Variants in RIMS1 observed in about 807,000 individuals in gnomAD.
RIMS1 encodes the protein regulating synaptic membrane exocytosis 1.
In RIMS1, 83 loss-of-function variants were observed where a neutral mutation model predicts 214.1. The ratio of observed to expected loss-of-function variants is 0.39; its 90% CI spans 0.32 to 0.47. The LOEUF (loss-of-function observed/expected upper bound fraction) is 0.47. Ranked by LOEUF, RIMS1 falls within the 20% of genes least tolerant of loss-of-function variation. The pLI is 0.99. For missense variants in RIMS1, 2,050 were observed against 2,161.8 expected, an observed-to-expected ratio of 0.95 and a Z score of 1.03; for synonymous variants, 793 against 786.8, an observed-to-expected ratio of 1.01 and a Z score of -0.13.
rs2062891834 is a variant in RIMS1, at chr6:72,233,678, A to G, written c.1679-95A>G. The stretch of plus-strand genomic sequence containing the variant: ...CGATGTACACGCTCAAGCTTATGAT[A>G]TTAAAACTCTTTATAGATCGAAGAA... On this transcript the variant is annotated intron_variant, in intron 6 of 33. Transcript: ENST00000521978. 7 of 922,910 alleles carry G rather than the reference A, an allele frequency of 7.6e-6. No individual in the cohort carries two copies. The Admixed American group carries it at 1.0e-4, about 13-fold the overall frequency. The allele number at this position is 922,910 out of a possible 1,614,324, so 57.2% of individuals were successfully genotyped here. A position where few individuals can be genotyped will look rare whatever the true frequency, so the allele number is the denominator to read the frequency against.
chr6:72,130,524 T>C (rs1008259337), intron 4 of RIMS1, among the ~76,000 whole-genome samples: 10 of 152,158 alleles, frequency 6.6e-5, no homozygotes, highest in African/African-American at 2.4e-4. Context: ...ATAATCTCCT[T>C]AGAGACATGT....
At chr6:72,148,763 G>C in intron 4 of RIMS1, 1 of 412,488 alleles carries the variant, frequency 2.4e-6, no homozygotes, top group Non-Finnish European at 4.8e-6. Context: ...GATTGAGTTT[G>C]GGACAAAAAG....
At chr6:72,352,900 C>G (rs1371639908) in intron 29 of RIMS1, among the ~76,000 whole-genome samples, 1 of 151,652 alleles carries the variant, frequency 6.6e-6, no homozygotes, top group Non-Finnish European at 1.5e-5. Flanking sequence ...AGGGGAGAAA[C>G]CACTAACTGA....
intron 2 of RIMS1, among the ~76,000 whole-genome samples, chr6:72,003,599 C>T (rs1806128824): frequency 6.6e-6 from 1 of 151,622 alleles, no homozygotes. Context: ...ATTTTGCTTG[C>T]AGGTGTGTGT....
rs502046 is a variant in RIMS1 at position 71,998,178 on chromosome 6, T to G, written c.245+29115T>G. ...GCACTTTATTATTTAGGAACATTTA[T>G]CTACTTTATGTGGATTTTCAATATT... On this transcript the variant is annotated intron_variant, in intron 2 of 33. Coordinates refer to ENST00000521978, the MANE Select transcript of RIMS1 (RefSeq NM_014989.7). Among the ~76,000 whole-genome samples, 715 of 152,052 alleles carry G rather than the reference T, an allele frequency of 4.7e-3. 3 individuals carry two copies. The highest frequency in any genetic ancestry group is 7.3e-3 in the Non-Finnish European group (496 of 67,974).
At chr6:71,899,477 CACACACACACACAA>C (rs1772898909) in intron 1 of RIMS1, among the ~76,000 whole-genome samples, 1 of 150,770 alleles carries the variant, frequency 6.6e-6, no homozygotes, top group Non-Finnish European at 1.5e-5. Flanking sequence ...TATTTGTATA[CACACACACACACAA>C]ACACACACAC....
Position 72,250,368 on chromosome 6 carries a change from T to G in RIMS1, c.2280T>G (p.Ile760Met). ...LWYDKVGHQL[I>M]VNVLQATDLP... ...ATGATAAAGTGGGACACCAGCTGAT[T>G]GTAAATGTTCTGCAAGCAACAGATC... The change falls in exon 13 of 34, where the codon ATT (isoleucine) becomes ATG (methionine). Residue 760 changes from isoleucine (I) to methionine (M), a missense_variant. Physicochemically the swap from Ile to Met is conservative, Grantham distance 10. Coordinates refer to ENST00000521978, the MANE Select transcript of RIMS1 (RefSeq NM_014989.7). 1 of 1,610,462 alleles carries G rather than the reference T, an allele frequency of 6.2e-7. No homozygotes were observed. The highest frequency in any genetic ancestry group is 8.5e-7 in the Non-Finnish European group (1 of 1,178,060).
At chr6:71,892,592 G>T (rs1770259654) in intron 1 of RIMS1, among the ~76,000 whole-genome samples, 1 of 151,976 alleles carries the variant, frequency 6.6e-6, no homozygotes, top group Non-Finnish European at 1.5e-5. Context: ...TTGCTGTTTT[G>T]CCCACAGGGT....
chr6:72,265,126 T>G (rs1202474488), intron 20 of RIMS1, 74 bp downstream of exon 20: 1 of 808,066 alleles, frequency 1.2e-6, no homozygotes, highest in African/African-American at 1.8e-5. Context: ...AAATAGAAAA[T>G]TCACATTCTA....
chr6:72,140,300 C>A (rs1289406465), intron 4 of RIMS1, among the ~76,000 whole-genome samples: 1 of 151,982 alleles, frequency 6.6e-6, no homozygotes, highest in African/African-American at 2.4e-5. Context: ...CTGTATAATC[C>A]TATCTGCCAA....
chr6:71,990,792 G>A (rs112537181), intron 2 of RIMS1, among the ~76,000 whole-genome samples: 571 of 152,060 alleles, frequency 3.8e-3, no homozygotes, highest in Non-Finnish European at 5.2e-3. Context: ...TGTGGCCTGG[G>A]GTGAGGCTGG....
chr6:71,927,466 C>T (rs1436174179), intron 1 of RIMS1, among the ~76,000 whole-genome samples: 1 of 152,058 alleles, frequency 6.6e-6, no homozygotes, highest in Non-Finnish European at 1.5e-5. Context: ...AATTAAAAGG[C>T]TAGTCTTGGG....
At chr6:72,287,648 T>C (rs1409774509) in intron 24 of RIMS1, among the ~76,000 whole-genome samples, 4 of 150,616 alleles carry the variant, frequency 2.7e-5, no homozygotes, top group Non-Finnish European at 5.9e-5. Context: ...CAGGCTGGAG[T>C]GTGGTCACAC....
At chr6:72,273,819 T>A (rs978257758) in intron 22 of RIMS1, among the ~76,000 whole-genome samples, 2 of 152,196 alleles carry the variant, frequency 1.3e-5, no homozygotes, top group East Asian at 3.8e-4. Context: ...TTTCTTCATG[T>A]CACGGTTTCA....
intron 20 of RIMS1, 28 bp downstream of exon 20, chr6:72,265,080 C>T: frequency 7.4e-7 from 1 of 1,348,186 alleles, no homozygotes; most frequent in Non-Finnish European, 1.0e-6. Flanking sequence ...GAGTCCCACC[C>T]AGTTATAAAG....
At chr6:72,040,463 C>A (rs900239668) in intron 2 of RIMS1, among the ~76,000 whole-genome samples, 1 of 151,936 alleles carries the variant, frequency 6.6e-6, no homozygotes, top group Non-Finnish European at 1.5e-5. Flanking sequence ...AGATGAGAAA[C>A]ACTATGCCCT....
chr6:72,282,472 T>A (rs1238778915), intron 23 of RIMS1, among the ~76,000 whole-genome samples: 1 of 152,080 alleles, frequency 6.6e-6, no homozygotes, highest in Non-Finnish European at 1.5e-5. Context: ...GAGAGAGTCA[T>A]CTGTTAGTGA....
intron 2 of RIMS1, among the ~76,000 whole-genome samples, chr6:71,969,764 G>A (rs534038966): frequency 3.1e-4 from 47 of 152,106 alleles, no homozygotes; most frequent in Non-Finnish European, 5.4e-4. Flanking sequence ...AGCCAAGATC[G>A]TGCCACTGTA....
intron 24 of RIMS1, among the ~76,000 whole-genome samples, chr6:72,288,329 C>A (rs2092751871): frequency 1.3e-5 from 2 of 152,046 alleles, no homozygotes; most frequent in Admixed American, 6.6e-5. Context: ...TATGTATAAA[C>A]CTATAGATAC....
Sources: gnomAD v4.1 joint callset for allele counts (sites outside exome capture counted in the v4.1 genomes callset) on GRCh38, gnomAD v4.1.1 for gene constraint, MANE v1.5 for transcripts, NCBI Gene and HGNC (gene_info 2026-07-23, HGNC 2026-07-21) for gene names.